The following AVL9 variants were observed in gnomAD, a reference collection of about 807,000 sequenced individuals.
AVL9 encodes AVL9 cell migration associated.
A neutral mutation model predicts 79.2 loss-of-function variants in AVL9; 49 were observed. That is an observed-to-expected ratio of 0.62 (90% CI 0.49 to 0.79). The LOEUF (loss-of-function observed/expected upper bound fraction) is 0.79, where lower values mean the gene tolerates loss of function less well. AVL9 is among the 30% of genes least tolerant of loss of function. The pLI, the probability that AVL9 is intolerant of heterozygous loss-of-function variation, is 0.00. For missense variants in AVL9, 682 were observed against 776.8 expected, an observed-to-expected ratio of 0.88 and a Z score of 1.45; for synonymous variants, 299 against 280.6, an observed-to-expected ratio of 1.07 and a Z score of -0.65.
intron 1 of AVL9, among the ~76,000 whole-genome samples, chr7:32,540,456 A>T (rs1046477528): frequency 1.3e-5 from 2 of 152,212 alleles, no homozygotes; most frequent in Admixed American, 6.5e-5. Context: ...TAGGGTGAAT[A>T]TAGAAGTAGA....
chr7:32,527,790 A>G (rs1788467748), intron 1 of AVL9, among the ~76,000 whole-genome samples: 1 of 152,148 alleles, frequency 6.6e-6, no homozygotes, highest in Non-Finnish European at 1.5e-5. Flanking sequence ...AGAGAATGTA[A>G]ACCAAAAATA....
intron 8 of AVL9, among the ~76,000 whole-genome samples, chr7:32,557,471 T>C (rs1195866080): frequency 2.6e-5 from 4 of 152,240 alleles, no homozygotes; most frequent in African/African-American, 9.6e-5. Flanking sequence ...TTTCTTTCTA[T>C]ATTTTGTGAC....
chr7:32,579,552 ATATATTATAT>A (rs1354368300), intron 13 of AVL9, among the ~76,000 whole-genome samples: 529 of 4,940 alleles, frequency 0.11, 160 homozygotes, highest in South Asian at 0.21. Context: ...ATTATATATT[ATATATTATAT>A]TATATATTAT....
intron 1 of AVL9, among the ~76,000 whole-genome samples, chr7:32,499,007 T>G (rs1459385908): frequency 0.5 from 4 of 8 alleles, 2 homozygotes; most frequent in East Asian, 1. Flanking sequence ...CTACTAAAAA[T>G]ACAAAATTAG....
At chr7:32,577,072 G>A (rs550857010) in intron 13 of AVL9, among the ~76,000 whole-genome samples, 1 of 152,188 alleles carries the variant, frequency 6.6e-6, no homozygotes, top group Non-Finnish European at 1.5e-5. Flanking sequence ...AGTGGCTCAC[G>A]CCTGTAATCC....
chr7:32,498,951 G>C (rs78781680), intron 1 of AVL9, among the ~76,000 whole-genome samples: 57,904 of 57,918 alleles, frequency 1, 28,945 homozygotes, highest in Middle Eastern at 1. Context: ...ATCACCTGAG[G>C]TGAGGAGTTC....
rs1477431265 is a variant in AVL9 at position 32,503,407 on chromosome 7, A to ACACACACACAC, written c.93+7605_93+7606insCACACACACAC. Among the ~76,000 whole-genome samples the ACACACACACAC allele has an allele frequency of 2.1e-3, 125 of 60,334 alleles. 1 individual carries two copies. Among genetic ancestry groups the ACACACACACAC allele is most frequent in the Middle Eastern group, 8.5e-3 (1 of 118 alleles). The allele number at this position is 60,334 out of a possible 152,430, so 39.6% of individuals were successfully genotyped here. A position where few individuals can be genotyped will look rare whatever the true frequency, so the allele number is the denominator to read the frequency against. ...ACACACACACACACACACACACACAAATTAGCCGGGCTTGGTGGCACGTGC... is the reference window on the plus strand; with the variant it reads ...ACACACACACACACACACACACACAACACACACACACATTAGCCGGGCTTGGTGGCACGTGC... On this transcript the variant is annotated intron_variant, in intron 1 of 15. Coordinates refer to ENST00000318709, the MANE Select transcript of AVL9 (RefSeq NM_015060.3).
chr7:32,543,078 C>T, intron 1 of AVL9, 63 bp from the exon 2 acceptor site: 1 of 1,595,630 alleles, frequency 6.3e-7, no homozygotes, highest in African/African-American at 1.3e-5. Flanking sequence ...GCATTTTTAC[C>T]TATCAGAATA....
chr7:32,505,784 T>C (rs1583485729), intron 1 of AVL9, among the ~76,000 whole-genome samples: 1 of 152,290 alleles, frequency 6.6e-6, no homozygotes, highest in East Asian at 1.9e-4. Context: ...TTTTTTATAT[T>C]CTATTTTCCA....
rs200639479 is a variant in AVL9 at position 32,566,180 on chromosome 7, A to ATTTTTTTTTTTTTTTTT, written c.1216-3828_1216-3827insTTTTTTTTTTTTTTTTT. Among the ~76,000 whole-genome samples the ATTTTTTTTTTTTTTTTT allele has an allele frequency of 1.2e-3, 111 of 93,736 alleles. 14 individuals are homozygous for ATTTTTTTTTTTTTTTTT. Among genetic ancestry groups the ATTTTTTTTTTTTTTTTT allele is most frequent in the South Asian group, 2.7e-3 (7 of 2,558 alleles). The allele number at this position is 93,736 out of a possible 152,430, so 61.5% of individuals were successfully genotyped here. ...TAAAAAAATTTTAATTATTATTATT[A>ATTTTTTTTTTTTTTTTT]TTTTTTTTTTTTGGAGACAAGGTCT... On this transcript the variant is annotated intron_variant, in intron 10 of 15. Coordinates refer to ENST00000318709, the MANE Select transcript of AVL9 (RefSeq NM_015060.3).
rs10610945 is a variant in AVL9 at position 32,545,364 on chromosome 7, CTTTTTTTTTTTTTT to C, written c.300+597_300+610del. ...GCTGTCCTATTTATCTCTAAGATTT[CTTTTTTTTTTTTTT>C]TTTTTTTTTTTGAGGAGGAGTCTCA... On this transcript the variant is annotated intron_variant, in intron 3 of 15. Transcript: ENST00000318709. 3.0e-4 allele frequency among the ~76,000 whole-genome samples: 22 copies of C among 73,352 alleles called. No individual in the cohort carries two copies. The South Asian group carries it at 0.011, about 37-fold the overall frequency. The allele number at this position is 73,352 out of a possible 152,430, so 48.1% of individuals were successfully genotyped here.
At chr7:32,517,480 A>AG (rs1787954970) in intron 1 of AVL9, among the ~76,000 whole-genome samples, 1 of 151,642 alleles carries the variant, frequency 6.6e-6, no homozygotes, top group Non-Finnish European at 1.5e-5. Flanking sequence ...TAATTTTTGT[A>AG]GTTTTAGTAG....
At chr7:32,579,940 G>C (rs1791427403) in intron 13 of AVL9, among the ~76,000 whole-genome samples, 1 of 151,864 alleles carries the variant, frequency 6.6e-6, no homozygotes. Context: ...AAATTAGAAT[G>C]TCAGGATAGC....
intron 1 of AVL9, among the ~76,000 whole-genome samples, chr7:32,497,372 A>G (rs972526308): frequency 3.9e-5 from 6 of 152,234 alleles, no homozygotes; most frequent in Admixed American, 1.3e-4. Context: ...AGTGTGTGTT[A>G]CATGCATAAG....
intron 1 of AVL9, chr7:32,534,970 A>G (rs1308943574): frequency 3.3e-5 from 5 of 152,156 alleles, no homozygotes; most frequent in African/African-American, 1.2e-4. Flanking sequence ...GAAAGTTTCC[A>G]GTGATTTAGT....
Position 32,514,811 on chromosome 7 carries a change from C to A in AVL9, c.93+19009C>A, listed in dbSNP as rs1787839068. The stretch of plus-strand genomic sequence containing the variant: ...TACCTACCCAAATCTTATAAAACAG[C>A]CCCACCCCTATCTCCCTTCACTGAC... On this transcript the variant is annotated intron_variant, in intron 1 of 15. Transcript: ENST00000318709. Among the ~76,000 whole-genome samples the A allele has an allele frequency of 2.6e-5, 4 of 152,292 alleles. No individual in the cohort carries two copies. In the South Asian group the frequency reaches 8.3e-4, roughly 32 times the overall value.
chr7:32,532,584 C>T (rs904909285), intron 1 of AVL9: 1 of 152,132 alleles, frequency 6.6e-6, no homozygotes, highest in Non-Finnish European at 1.5e-5. Context: ...TTAAAATACA[C>T]ATTATCTATT....
chr7:32,580,403 A>C, intron 14 of AVL9, 131 bp downstream of exon 14: 1 of 704,114 alleles, frequency 1.4e-6, no homozygotes, highest in Non-Finnish European at 2.4e-6. Flanking sequence ...ATATGTGCAT[A>C]ACATTCTTTA....
intron 1 of AVL9, among the ~76,000 whole-genome samples, chr7:32,518,914 A>G (rs1487086259): frequency 1.3e-5 from 2 of 152,230 alleles, no homozygotes; most frequent in East Asian, 3.8e-4. Flanking sequence ...TCTTAGTGCA[A>G]GAAGTTTTTA....
Sources: gnomAD v4.1 joint callset for allele counts (sites outside exome capture counted in the v4.1 genomes callset) on GRCh38, gnomAD v4.1.1 for gene constraint, MANE v1.5 for transcripts, NCBI Gene and HGNC (gene_info 2026-07-23, HGNC 2026-07-21) for gene names.